CPA6: variants seen among roughly 807,000 people sequenced by gnomAD.
The protein encoded by CPA6 is carboxypeptidase A6, also known as carboxypeptidase B.
Under a neutral mutation model 63.3 loss-of-function variants are expected in CPA6, and 58 were observed. The ratio of observed to expected loss-of-function variants is 0.92; its 90% CI spans 0.74 to 1.14. CPA6 has a LOEUF of 1.14. CPA6 is among the 50% of genes most tolerant of loss of function. The pLI is 0.00. For missense variants in CPA6, 565 were observed against 526.6 expected (o/e 1.07, Z -0.71); for synonymous variants, 185 against 179.0 (o/e 1.03, Z -0.27).
chr8:67,607,076 T>C (rs1814656875), intron 2 of CPA6, among the ~76,000 whole-genome samples: 1 of 151,408 alleles, frequency 6.6e-6, no homozygotes, highest in African/African-American at 2.4e-5. Context: ...AAATCTGTCT[T>C]CTTCTTCTTC....
intron 9 of CPA6, among the ~76,000 whole-genome samples, chr8:67,432,106 A>G (rs1408791182): frequency 2.6e-5 from 4 of 152,322 alleles, no homozygotes; most frequent in Admixed American, 2.6e-4. Context: ...TGGTAATGAG[A>G]TGACTTGGGG....
intron 2 of CPA6, among the ~76,000 whole-genome samples, chr8:67,529,454 T>A (rs1812431937): frequency 6.6e-6 from 1 of 152,028 alleles, no homozygotes; most frequent in African/African-American, 2.4e-5. Flanking sequence ...TGGAAGGTAA[T>A]AAGAAAATAT....
At chr8:67,577,009 G>A (rs749446429) in intron 2 of CPA6, among the ~76,000 whole-genome samples, 13 of 151,990 alleles carry the variant, frequency 8.6e-5, no homozygotes, top group Admixed American at 2.0e-4. Context: ...AATTACAGGC[G>A]CCTGCTACCA....
chr8:67,590,100 T>C (rs1015491311), intron 2 of CPA6, among the ~76,000 whole-genome samples: 5 of 151,816 alleles, frequency 3.3e-5, no homozygotes, highest in Admixed American at 6.6e-5. Flanking sequence ...CCATGTGTTC[T>C]CATTGTTCAA....
intron 2 of CPA6, among the ~76,000 whole-genome samples, chr8:67,553,307 A>G (rs897442761): frequency 2.0e-5 from 3 of 152,214 alleles, no homozygotes; most frequent in African/African-American, 4.8e-5. Flanking sequence ...ACCAAGCACC[A>G]TGATAACTGC....
intron 1 of CPA6, among the ~76,000 whole-genome samples, chr8:67,655,752 A>C (rs973691427): frequency 3.3e-4 from 50 of 152,300 alleles, no homozygotes; most frequent in African/African-American, 1.2e-3. Flanking sequence ...ATCATTAAAA[A>C]GGAATGTTCA....
chr8:67,644,240 TC>T (rs1332304281), intron 1 of CPA6, among the ~76,000 whole-genome samples: 8 of 151,950 alleles, frequency 5.3e-5, no homozygotes, highest in Non-Finnish European at 1.2e-4. Context: ...TGCCTCAGCC[TC>T]CCGAGCAGCT....
At chr8:67,512,754 G>T (rs971588002) in intron 3 of CPA6, among the ~76,000 whole-genome samples, 1 of 152,146 alleles carries the variant, frequency 6.6e-6, no homozygotes, top group African/African-American at 2.4e-5. Flanking sequence ...TTTTCCAAAA[G>T]AACCTGTTGT....
At chr8:67,461,646 A>G (rs1453643827) in intron 8 of CPA6, among the ~76,000 whole-genome samples, 1 of 152,118 alleles carries the variant, frequency 6.6e-6, no homozygotes, top group Non-Finnish European at 1.5e-5. Flanking sequence ...GGCCGGGCAG[A>G]GGTGCCCCTC....
At chr8:67,607,882 T>C (rs2128984559) in intron 2 of CPA6, among the ~76,000 whole-genome samples, 1 of 152,280 alleles carries the variant, frequency 6.6e-6, no homozygotes, top group Non-Finnish European at 1.5e-5. Flanking sequence ...GTGGTGATGC[T>C]CAAAAACAAT....
chr8:67,684,142 C>A (rs1442234157), intron 1 of CPA6, among the ~76,000 whole-genome samples: 1 of 150,648 alleles, frequency 6.6e-6, no homozygotes, highest in Non-Finnish European at 1.5e-5. Flanking sequence ...CTGCCTCAGT[C>A]CCTGCAAAGT....
At chr8:67,507,165 T>G (rs1000521523) in intron 5 of CPA6, among the ~76,000 whole-genome samples, 1 of 151,990 alleles carries the variant, frequency 6.6e-6, no homozygotes, top group Non-Finnish European at 1.5e-5. Context: ...ATTTTTTAAT[T>G]TTAATTAATT....
At position 67,658,817 on chromosome 8, in the gene CPA6, C is replaced by T. The variant is rs77915859; in HGVS notation, c.117-34566G>A. ...TTCTTTTTCAACCCAACATCTCATCCATCACCAAATCTAGGACATTCTGCT... is the reference window on the plus strand; with the variant it reads ...TTCTTTTTCAACCCAACATCTCATCTATCACCAAATCTAGGACATTCTGCT... On this transcript the variant is annotated intron_variant, in intron 1 of 10. Transcript: ENST00000297770. Among the ~76,000 whole-genome samples the T allele has an allele frequency of 1.0e-2, 1,515 of 152,198 alleles. 12 individuals are homozygous for T. The highest frequency in any genetic ancestry group is 0.048 in the Middle Eastern group (14 of 294).
In CPA6 at chr8:67,502,620, A is replaced by G. The variant is rs547227910; in HGVS notation, c.636+4167T>C. Among the ~76,000 whole-genome samples the G allele has an allele frequency of 6.1e-4, 93 of 152,292 alleles. 1 individual carries two copies. Among genetic ancestry groups the G allele is most frequent in the African/African-American group, 2.2e-3 (92 of 41,558 alleles). ...TTTTCTAACATATACCTTTAGTGCT[A>G]TACATTTCCCTCTCAGCACTGCTTT... On this transcript the variant is annotated intron_variant, in intron 6 of 10. Coordinates refer to ENST00000297770, the MANE Select transcript of CPA6 (RefSeq NM_020361.5).
At chr8:67,517,837 G>T in intron 3 of CPA6, 86 bp downstream of exon 3, 1 of 1,345,438 alleles carries the variant, frequency 7.4e-7, no homozygotes, top group Non-Finnish European at 1.0e-6. Flanking sequence ...ACTGTTGTAA[G>T]TACTTGATAA....
Position 67,703,195 on chromosome 8 carries a change from C to T in CPA6, c.116+42819G>A, listed in dbSNP as rs1471777325. Among the ~76,000 whole-genome samples, 3 of 152,282 alleles carry T rather than the reference C, an allele frequency of 2.0e-5. No homozygotes were observed. The South Asian group carries it at 6.2e-4, about 32-fold the overall frequency. ...TACTCAGTTTCTTTCTTGACTTTCA[C>T]TTTCCTGCTTATTAACCAGTCCCCA... is the stretch of plus-strand genomic sequence containing the variant. On this transcript the variant is annotated intron_variant, in intron 1 of 10. Transcript: ENST00000297770.
At chr8:67,530,238 T>C (rs757281858) in intron 2 of CPA6, among the ~76,000 whole-genome samples, 3 of 146,494 alleles carry the variant, frequency 2.0e-5, no homozygotes, top group Non-Finnish European at 4.5e-5. Context: ...AAATAAGGCA[T>C]GCAGTCCCAC....
intron 1 of CPA6, among the ~76,000 whole-genome samples, chr8:67,709,796 C>G (rs1008175728): frequency 6.6e-5 from 10 of 152,076 alleles, no homozygotes; most frequent in African/African-American, 2.2e-4. Context: ...GTGGGGAGCT[C>G]ATACAGGTCA....
chr8:67,606,755 G>A (rs555346522), intron 2 of CPA6, among the ~76,000 whole-genome samples: 49 of 152,228 alleles, frequency 3.2e-4, no homozygotes, highest in African/African-American at 7.5e-4. Context: ...TAACTGTCCC[G>A]TTCTCTGGTT....
Sources: allele counts gnomAD v4.1 joint callset (sites outside exome capture counted in the v4.1 genomes callset), GRCh38; gene constraint gnomAD v4.1.1; transcripts MANE v1.5; gene names NCBI Gene and HGNC (gene_info 2026-07-23, HGNC 2026-07-21).